The following MARF1 variants were observed in gnomAD, a reference collection of about 807,000 sequenced individuals.
MARF1 encodes the protein limkain-b1.
Under a neutral mutation model 168.2 loss-of-function variants are expected in MARF1, and 24 were observed. The observed-to-expected ratio is 0.14, with a 90% CI of 0.10 to 0.20. The LOEUF is 0.20. Ranked by LOEUF, MARF1 falls within the 10% of genes least tolerant of loss-of-function variation. The pLI is 1.00. For missense variants in MARF1, 1,744 were observed against 2,143.6 expected (o/e 0.81, Z 3.68); for synonymous variants, 868 against 822.4 (o/e 1.06, Z -0.95).
chr16:15,611,182 G>A, intron 18 of MARF1, 74 bp from the exon 19 acceptor site: 1 of 1,463,634 alleles, frequency 6.8e-7, no homozygotes, highest in South Asian at 1.2e-5. Context: ...TTTCCGGCCG[G>A]GCGCTGGGGC....
chr16:15,624,815 A>G lies in MARF1; in HGVS notation c.2224T>C (p.Ser742Pro). 6.2e-7 allele frequency: 1 copy of G among 1,614,234 alleles called. No homozygotes were observed. The highest frequency in any genetic ancestry group is 2.2e-5 in the East Asian group (1 of 44,890). ...GCGAGCAGAGGACTGACTTGCCTGGATGCAACTAACTTGCTAAAAGCAGAC... is the reference window on the plus strand; with the variant it reads ...GCGAGCAGAGGACTGACTTGCCTGGGTGCAACTAACTTGCTAAAAGCAGAC... ...YPSAFSKLVA[S>P]RQVSPLLASQ... Residue 742 changes from serine (S) to proline (P), a missense_variant, in exon 10 of 27, where the codon TCC becomes CCC. Physicochemically the swap from Ser to Pro is moderately conservative, Grantham distance 74 (BLOSUM62 -1). Transcript: ENST00000396368.
chr16:15,629,287 A>G (rs1042672499), intron 7 of MARF1, among the ~76,000 whole-genome samples: 1 of 152,188 alleles, frequency 6.6e-6, no homozygotes, highest in Non-Finnish European at 1.5e-5. Flanking sequence ...TAAGGCCTGT[A>G]TATGCTTACT....
intron 6 of MARF1, 32 bp downstream of exon 6, chr16:15,631,349 T>C (rs1567582009): frequency 3.5e-6 from 5 of 1,428,412 alleles, no homozygotes; most frequent in Non-Finnish European, 4.9e-6. Context: ...ACAGTGAGTT[T>C]AGCTGAAATT....
rs999120056 is a variant in MARF1, at chr16:15,613,263, A to G, written c.3254-486T>C. 1.1e-4 allele frequency among the ~76,000 whole-genome samples: 16 copies of G among 152,292 alleles called. No homozygotes were observed. The East Asian group carries it at 3.1e-3, about 29-fold the overall frequency. On this transcript the variant is annotated intron_variant, in intron 16 of 26. Transcript: ENST00000396368. ...GATAATGTTGTAAGATTAGCATGAC[A>G]TAAAAGGGTGTAAGGAACAGGTTTT...
At chr16:15,639,331 A>C in intron 1 of MARF1, 40 bp from the exon 2 acceptor site, 1 of 1,353,674 alleles carries the variant, frequency 7.4e-7, no homozygotes, top group Non-Finnish European at 1.0e-6. Flanking sequence ...ATTTCCTTGC[A>C]TAAGTACAAA....
At chr16:15,637,274 C>T (rs1218755832) in intron 2 of MARF1, among the ~76,000 whole-genome samples, 1 of 152,218 alleles carries the variant, frequency 6.6e-6, no homozygotes, top group Non-Finnish European at 1.5e-5. Context: ...CATCAGCCTT[C>T]ACAGGCTGAC....
chr16:15,638,276 G>A (rs1035020990), intron 2 of MARF1, among the ~76,000 whole-genome samples: 3 of 151,820 alleles, frequency 2.0e-5, no homozygotes, highest in East Asian at 2.0e-4. Flanking sequence ...GGTAACATGA[G>A]TGCATGAAGT....
intron 26 of MARF1, among the ~76,000 whole-genome samples, chr16:15,597,583 C>A (rs1031852481): frequency 6.6e-6 from 1 of 152,174 alleles, no homozygotes; most frequent in South Asian, 2.1e-4. Context: ...ATCATTATGC[C>A]TTAGACTCCC....
At chr16:15,598,755 T>C in intron 26 of MARF1, 99 bp downstream of exon 26, 3 of 1,165,628 alleles carry the variant, frequency 2.6e-6, no homozygotes, top group South Asian at 2.7e-5. Flanking sequence ...TGAAAAGGGG[T>C]AGTCCCTTCC....
Position 15,617,390 on chromosome 16 carries a change from C to G in MARF1, c.2866G>C (p.Gly956Arg), listed in dbSNP as rs753997957. 2 of 1,614,118 alleles carry G rather than the reference C, an allele frequency of 1.2e-6. No homozygotes were observed. ...ATTGGGCTGCAATTCGTGGAGGAGC[C>G]GTCGTGTGACTGGGAAGACCCCAAG... ...SPLGSSQSHDGSSTNCSPIIF... is the reference protein window; with the variant it reads ...SPLGSSQSHDRSSTNCSPIIF... Residue 956 changes from glycine (G) to arginine (R), a missense_variant, in exon 14 of 27, where the codon GGC (glycine) becomes CGC (arginine). Gly to Arg is a moderately radical substitution (Grantham distance 125, BLOSUM62 -2). Transcript: ENST00000396368.
In MARF1 at chr16:15,604,139, T is replaced by C. The variant is rs1201312534; in HGVS notation, c.4413+29A>G. On this transcript the variant is annotated intron_variant, in intron 22 of 26. Transcript: ENST00000396368. ...ATGCCCAATCGATAGTTTTCAATGA[T>C]AGTTCTAAAGAGCCATTAACGTGCC... 8 of 1,487,382 alleles carry C rather than the reference T, an allele frequency of 5.4e-6. No individual in the cohort carries two copies. In the African/African-American group the frequency reaches 6.9e-5, roughly 13 times the overall value. The allele number at this position is 1,487,382 out of a possible 1,614,324, so 92.1% of individuals were successfully genotyped here. A position where few individuals can be genotyped will look rare whatever the true frequency, so the allele number is the denominator to read the frequency against.
chr16:15,603,353 T>C (rs2032699157), intron 22 of MARF1, among the ~76,000 whole-genome samples: 4 of 152,230 alleles, frequency 2.6e-5, no homozygotes, highest in Admixed American at 2.6e-4. Context: ...GTATTTTTTT[T>C]CTTGGGGATG....
In MARF1 at chr16:15,599,004, C is replaced by T; in HGVS notation, c.4834G>A (p.Glu1612Lys). The change falls in exon 26 of 27, where the codon GAG (glutamate) becomes AAG (lysine). Residue 1612 changes from glutamate to lysine, a missense_variant. This residue lies in a region of MARF1 where 313 missense variants were observed against 337.4 expected (regional missense o/e 0.93). Coordinates refer to ENST00000396368, the MANE Select transcript of MARF1 (RefSeq NM_014647.4). ...GAGTCGTCGGTCAGGCGGAGAAGCTCCTGCTCTGTGTGACTGGGCCCTGGG... is the reference window on the plus strand; with the variant it reads ...GAGTCGTCGGTCAGGCGGAGAAGCTTCTGCTCTGTGTGACTGGGCCCTGGG... Reference protein sequence around the residue: ...DGSGPSHTEQELLRLTDDSPV... With the variant: ...DGSGPSHTEQKLLRLTDDSPV... 6.2e-7 allele frequency: 1 copy of T among 1,609,886 alleles called. No individual in the cohort carries two copies. The highest frequency in any genetic ancestry group is 8.5e-7 in the Non-Finnish European group (1 of 1,178,210).
intron 2 of MARF1, 83 bp from the exon 3 acceptor site, chr16:15,636,425 CAG>C: frequency 2.1e-6 from 2 of 954,872 alleles, no homozygotes; most frequent in Non-Finnish European, 3.1e-6. Context: ...CATGCACAAA[CAG>C]AAATAGTGTT....
Position 15,622,922 on chromosome 16 carries a change from G to A in MARF1, c.2460+12C>T, listed in dbSNP as rs2034567132. On this transcript the variant is annotated intron_variant, in intron 11 of 26. Transcript: ENST00000396368. ...GAGTATAACAAAGCAAGCACAAGAG[G>A]GAAAAAGTTACCTTGCCATGCCTGG... 3.2e-6 allele frequency: 5 copies of A among 1,567,698 alleles called. No individual in the cohort carries two copies. In the African/African-American group the frequency reaches 5.4e-5, roughly 17 times the overall value.
At chr16:15,597,888 G>A (rs1332423330) in intron 26 of MARF1, among the ~76,000 whole-genome samples, 1 of 151,774 alleles carries the variant, frequency 6.6e-6, no homozygotes, top group East Asian at 1.9e-4. Flanking sequence ...GCACAGGCTG[G>A]TTCTATCCGC....
At chr16:15,638,562 G>T (rs1251490879) in intron 2 of MARF1, among the ~76,000 whole-genome samples, 2 of 151,928 alleles carry the variant, frequency 1.3e-5, no homozygotes, top group African/African-American at 4.8e-5. Flanking sequence ...CTCCAGCCTG[G>T]GCCACAGAGC....
At chr16:15,623,912 T>C (rs1015884324) in intron 10 of MARF1, among the ~76,000 whole-genome samples, 19 of 145,730 alleles carry the variant, frequency 1.3e-4, no homozygotes, top group African/African-American at 3.0e-4. Flanking sequence ...CACTTTCTCT[T>C]TTTTTTTTTT....
At chr16:15,642,227 A>C (rs752866945) in intron 1 of MARF1, among the ~76,000 whole-genome samples, 1 of 152,088 alleles carries the variant, frequency 6.6e-6, no homozygotes, top group Non-Finnish European at 1.5e-5. Context: ...TCTCCCCCAT[A>C]GCTCTTCTGT....
Sources: allele counts gnomAD v4.1 joint callset (sites outside exome capture counted in the v4.1 genomes callset), GRCh38; gene constraint gnomAD v4.1.1; regional missense constraint gnomAD v4.1.1; transcripts MANE v1.5; gene names NCBI Gene and HGNC (gene_info 2026-07-23, HGNC 2026-07-21).